KCNB2: variants seen among roughly 807,000 people sequenced by gnomAD.
The protein encoded by KCNB2 is potassium voltage-gated channel subfamily B member 2, also known as delayed rectifier potassium channel protein.
A neutral mutation model predicts 61.5 loss-of-function variants in KCNB2; 15 were observed. The ratio of observed to expected loss-of-function variants is 0.24; its 90% confidence interval spans 0.16 to 0.38. The LOEUF is 0.38. Among genes scored for constraint, KCNB2 ranks in the 10% least tolerant of loss-of-function variants. KCNB2 has a pLI of 1.00. For missense variants in KCNB2, 828 were observed against 1,125.2 expected, an observed-to-expected ratio of 0.74 and a Z score of 3.78; for synonymous variants, 457 against 446.0, an observed-to-expected ratio of 1.02 and a Z score of -0.31.
At chr8:72,689,215 A>G (rs1450127646) in intron 2 of KCNB2, among the ~76,000 whole-genome samples, 1 of 152,188 alleles carries the variant, frequency 6.6e-6, no homozygotes, top group South Asian at 2.1e-4. Context: ...CTGTTATGTG[A>G]CAAGCACTGA....
intron 2 of KCNB2, among the ~76,000 whole-genome samples, chr8:72,704,197 C>A (rs947113055): frequency 2.6e-5 from 4 of 152,090 alleles, no homozygotes; most frequent in Admixed American, 6.6e-5. Flanking sequence ...GAGCAAATAA[C>A]CTTTTATATA....
At chr8:72,712,028 CT>C (rs1807334730) in intron 2 of KCNB2, among the ~76,000 whole-genome samples, 2 of 152,158 alleles carry the variant, frequency 1.3e-5, no homozygotes, top group African/African-American at 2.4e-5. Context: ...GCCTTCTGTC[CT>C]AATGGATTAC....
chr8:72,835,476 G>C (rs538121541), intron 2 of KCNB2, among the ~76,000 whole-genome samples: 1 of 152,264 alleles, frequency 6.6e-6, no homozygotes, highest in African/African-American at 2.4e-5. Flanking sequence ...AACTCTGGCA[G>C]GATAACCTAT....
At chr8:72,781,546 C>T (rs369223002) in intron 2 of KCNB2, among the ~76,000 whole-genome samples, 1 of 152,090 alleles carries the variant, frequency 6.6e-6, no homozygotes, top group Non-Finnish European at 1.5e-5. Flanking sequence ...TTTCTGAGAT[C>T]TCTATTCTGT....
chr8:72,755,712 T>C (rs1261325171), intron 2 of KCNB2, among the ~76,000 whole-genome samples: 1 of 152,208 alleles, frequency 6.6e-6, no homozygotes, highest in African/African-American at 2.4e-5. Flanking sequence ...TTGTCATTTG[T>C]ACCCAGTGTG....
intron 2 of KCNB2, among the ~76,000 whole-genome samples, chr8:72,924,831 C>T (rs1055618103): frequency 3.3e-5 from 5 of 152,074 alleles, no homozygotes; most frequent in Admixed American, 6.5e-5. Flanking sequence ...ATGCTTGCAA[C>T]GGAAGATTCA....
At chr8:72,560,739 C>G (rs1005706443) in intron 1 of KCNB2, among the ~76,000 whole-genome samples, 3 of 152,138 alleles carry the variant, frequency 2.0e-5, no homozygotes, top group African/African-American at 7.2e-5. Context: ...CCAGCCATCA[C>G]TATACCTTGT....
At chr8:72,853,260 G>C (rs531277804) in intron 2 of KCNB2, among the ~76,000 whole-genome samples, 1 of 152,296 alleles carries the variant, frequency 6.6e-6, no homozygotes, top group South Asian at 2.1e-4. Flanking sequence ...CCAAAGAGGA[G>C]CTGCCCAGGA....
At chr8:72,623,224 G>A (rs1585790950) in intron 2 of KCNB2, among the ~76,000 whole-genome samples, 1 of 152,130 alleles carries the variant, frequency 6.6e-6, no homozygotes, top group Admixed American at 6.5e-5. Flanking sequence ...CAAAGCTGGA[G>A]GAAGCAAATA....
chr8:72,612,508 G>A (rs1418656372), intron 2 of KCNB2, among the ~76,000 whole-genome samples: 1 of 152,042 alleles, frequency 6.6e-6, no homozygotes, highest in Non-Finnish European at 1.5e-5. Context: ...CCTTCTTTAA[G>A]TTTTCCATCT....
chr8:72,607,463 G>C (rs1416076710), intron 2 of KCNB2, among the ~76,000 whole-genome samples: 3 of 152,204 alleles, frequency 2.0e-5, no homozygotes, highest in Non-Finnish European at 4.4e-5. Context: ...GAATGTAATT[G>C]TGTTACCATT....
At chr8:72,663,565 T>G (rs1806413911) in intron 2 of KCNB2, among the ~76,000 whole-genome samples, 1 of 152,196 alleles carries the variant, frequency 6.6e-6, no homozygotes, top group African/African-American at 2.4e-5. Flanking sequence ...GCATTTCTAC[T>G]TTCATCTTTA....
intron 2 of KCNB2, among the ~76,000 whole-genome samples, chr8:72,847,440 T>C (rs929774785): frequency 3.9e-5 from 6 of 152,242 alleles, no homozygotes; most frequent in Non-Finnish European, 8.8e-5. Flanking sequence ...ACAGTGCTTC[T>C]ACAAACAAGT....
chr8:72,713,196 A>G (rs1807357325), intron 2 of KCNB2, among the ~76,000 whole-genome samples: 1 of 152,250 alleles, frequency 6.6e-6, no homozygotes, highest in African/African-American at 2.4e-5. Flanking sequence ...CCAAAGATCA[A>G]GGAGGCCTGC....
chr8:72,817,014 A>G (rs1222361819), intron 2 of KCNB2, among the ~76,000 whole-genome samples: 2 of 152,182 alleles, frequency 1.3e-5, no homozygotes, highest in Non-Finnish European at 2.9e-5. Flanking sequence ...AAATATCTGA[A>G]GTTAGAGAAC....
chr8:72,608,128 A>G (rs1805481935), intron 2 of KCNB2, among the ~76,000 whole-genome samples: 1 of 152,180 alleles, frequency 6.6e-6, no homozygotes, highest in African/African-American at 2.4e-5. Flanking sequence ...GTGATGTGAT[A>G]GAGACTTCTG....
chr8:72,630,386 T>C (rs151315015), intron 2 of KCNB2, among the ~76,000 whole-genome samples: 1 of 152,318 alleles, frequency 6.6e-6, no homozygotes, highest in African/African-American at 2.4e-5. Flanking sequence ...TTTGTCTCTT[T>C]TTTCTTCCAT....
At chr8:72,784,954 T>C (rs1808823394) in intron 2 of KCNB2, among the ~76,000 whole-genome samples, 1 of 152,154 alleles carries the variant, frequency 6.6e-6, no homozygotes, top group Non-Finnish European at 1.5e-5. Flanking sequence ...CAAGTTGTAT[T>C]GTGTGTTCTA....
chr8:72,743,680 G>A (rs1808006946), intron 2 of KCNB2, among the ~76,000 whole-genome samples: 1 of 152,056 alleles, frequency 6.6e-6, no homozygotes, highest in Non-Finnish European at 1.5e-5. Flanking sequence ...TCTGAGACAG[G>A]CAACCAACCA....
Sources: allele counts gnomAD v4.1 joint callset (sites outside exome capture counted in the v4.1 genomes callset), GRCh38; gene constraint gnomAD v4.1.1; transcripts MANE v1.5; gene names NCBI Gene and HGNC (gene_info 2026-07-23, HGNC 2026-07-21).